ITGA9: variants seen among roughly 807,000 people sequenced by gnomAD.
The protein encoded by ITGA9 is integrin alpha-9.
In ITGA9, 56 loss-of-function variants were observed where a neutral mutation model predicts 127.8. The ratio of observed to expected loss-of-function variants is 0.44; its 90% confidence interval spans 0.35 to 0.55. The LOEUF (loss-of-function observed/expected upper bound fraction) is 0.55, where lower values mean the gene tolerates loss of function less well. ITGA9 is among the 20% of genes least tolerant of loss of function. The probability of loss-of-function intolerance (pLI) is 0.00; values close to 1 mark genes in which losing one functional copy is unlikely to be tolerated. For missense variants in ITGA9, 1,196 were observed against 1,347.1 expected (o/e 0.89, Z 1.76); for synonymous variants, 508 against 514.5 (o/e 0.99, Z 0.17).
chr3:37,558,126 A>G (rs1699448665), intron 15 of ITGA9, among the ~76,000 whole-genome samples: 1 of 152,200 alleles, frequency 6.6e-6, no homozygotes, highest in Admixed American at 6.5e-5. Context: ...GGTGGGAGGA[A>G]AGCTCAATGT....
At chr3:37,466,150 A>C (rs1698368021) in intron 1 of ITGA9, among the ~76,000 whole-genome samples, 1 of 151,998 alleles carries the variant, frequency 6.6e-6, no homozygotes. Context: ...TGGTTGCCCT[A>C]ATTAGAAGTT....
Position 37,629,148 on chromosome 3 carries a change from G to A in ITGA9, c.1690-39G>A, listed in dbSNP as rs1473279899. The A allele has an allele frequency of 6.2e-7, 1 of 1,611,106 alleles. No homozygotes were observed. Among genetic ancestry groups the A allele is most frequent in the East Asian group, 2.2e-5 (1 of 44,876 alleles). ...TGAAATGCTCTACGACTGTCAGCCA[G>A]GATTAGTAGTTAATGCACGTATTTG... On this transcript the variant is annotated intron_variant, in intron 15 of 27. Transcript: ENST00000264741. This position sits in a 1 kb window ranked among gnomAD's most constrained non-coding sequence, Gnocchi z 4.5.
At chr3:37,530,717 G>GTTTGTTTTTT (rs1699141278) in intron 13 of ITGA9, among the ~76,000 whole-genome samples, 1 of 86,240 alleles carries the variant, frequency 1.2e-5, no homozygotes, top group African/African-American at 4.8e-5. Context: ...CAGCTACCAG[G>GTTTGTTTTTT]TTTTTTTTTT....
chr3:37,714,069 G>A (rs536204001), intron 18 of ITGA9, among the ~76,000 whole-genome samples: 1 of 152,236 alleles, frequency 6.6e-6, no homozygotes, highest in Non-Finnish European at 1.5e-5. Context: ...AGTCACAGGG[G>A]TGGAACAAAT....
At chr3:37,682,543 C>T (rs778628722) in intron 17 of ITGA9, among the ~76,000 whole-genome samples, 12 of 152,184 alleles carry the variant, frequency 7.9e-5, no homozygotes, top group Non-Finnish European at 1.6e-4. Flanking sequence ...TATCTATACT[C>T]ATTTCCTAGT....
intron 17 of ITGA9, among the ~76,000 whole-genome samples, chr3:37,681,431 C>G (rs1303854359): frequency 6.6e-6 from 1 of 152,170 alleles, no homozygotes; most frequent in Non-Finnish European, 1.5e-5. Flanking sequence ...ATCGCTGCCA[C>G]TTGATCACCC....
intron 17 of ITGA9, among the ~76,000 whole-genome samples, chr3:37,672,420 C>T (rs1700645841): frequency 6.6e-6 from 1 of 152,192 alleles, no homozygotes; most frequent in African/African-American, 2.4e-5. Flanking sequence ...TAAGACGTGA[C>T]TTTGCTTCTC....
At chr3:37,463,237 G>A (rs1272474589) in intron 1 of ITGA9, among the ~76,000 whole-genome samples, 3 of 152,224 alleles carry the variant, frequency 2.0e-5, no homozygotes, top group African/African-American at 4.8e-5. Context: ...TGACGTATCT[G>A]TTTTCTATCA....
chr3:37,644,819 C>T (rs896205603), intron 16 of ITGA9, among the ~76,000 whole-genome samples: 2 of 152,150 alleles, frequency 1.3e-5, no homozygotes, highest in Non-Finnish European at 2.9e-5. Context: ...TAGAAGGATT[C>T]CTCAGCTTTA....
chr3:37,652,934 C>T (rs1230615818), intron 16 of ITGA9, among the ~76,000 whole-genome samples: 2 of 152,200 alleles, frequency 1.3e-5, no homozygotes, highest in African/African-American at 4.8e-5. Flanking sequence ...GAAGAAAGCC[C>T]TAACCCCTCT....
chr3:37,788,976 A>G (rs1697073081), intron 26 of ITGA9, among the ~76,000 whole-genome samples: 1 of 152,206 alleles, frequency 6.6e-6, no homozygotes, highest in Non-Finnish European at 1.5e-5. Context: ...TTATAACTGT[A>G]AAGATGATTA....
At chr3:37,581,421 G>A (rs906501270) in intron 15 of ITGA9, among the ~76,000 whole-genome samples, 2 of 152,196 alleles carry the variant, frequency 1.3e-5, no homozygotes, top group African/African-American at 4.8e-5. Flanking sequence ...GTGTAGCCCA[G>A]GACTGTGCAT....
chr3:37,522,726 A>C (rs1699056530), intron 11 of ITGA9, among the ~76,000 whole-genome samples: 1 of 33,586 alleles, frequency 3.0e-5, no homozygotes, highest in Non-Finnish European at 8.1e-5. Context: ...CTATCTCTTA[A>C]AAAAAAAAAA....
intron 18 of ITGA9, among the ~76,000 whole-genome samples, chr3:37,698,157 C>T (rs573712714): frequency 2.0e-5 from 3 of 152,142 alleles, no homozygotes; most frequent in African/African-American, 7.2e-5. Context: ...CTGTTCATAT[C>T]CTTTGCCCAC....
At chr3:37,484,207 A>T (rs999979847) in intron 4 of ITGA9, among the ~76,000 whole-genome samples, 5 of 152,214 alleles carry the variant, frequency 3.3e-5, no homozygotes, top group African/African-American at 1.2e-4. Context: ...TGGGGCTGGC[A>T]TGTGGAGTAT....
chr3:37,727,100 C>T (rs1010468831), intron 18 of ITGA9, among the ~76,000 whole-genome samples: 1 of 152,308 alleles, frequency 6.6e-6, no homozygotes, highest in South Asian at 2.1e-4. Context: ...CATAGAGTAT[C>T]GATTGTTTAC....
chr3:37,638,011 A>G (rs1700297227), intron 16 of ITGA9, among the ~76,000 whole-genome samples: 1 of 152,192 alleles, frequency 6.6e-6, no homozygotes, highest in Non-Finnish European at 1.5e-5. Flanking sequence ...GGTGATTCTC[A>G]TGCAGCTAAA....
intron 15 of ITGA9, among the ~76,000 whole-genome samples, chr3:37,551,366 G>T (rs1308945568): frequency 6.6e-6 from 1 of 152,154 alleles, no homozygotes; most frequent in Non-Finnish European, 1.5e-5. Flanking sequence ...GCTTGGAGGG[G>T]ACTGGGGGTT....
chr3:37,552,249 T>G (rs1376426058), intron 15 of ITGA9, among the ~76,000 whole-genome samples: 4 of 152,144 alleles, frequency 2.6e-5, no homozygotes, highest in Admixed American at 2.6e-4. Flanking sequence ...CTGTCACACT[T>G]ATTCCTCTGT....
Sources: allele counts gnomAD v4.1 joint callset (sites outside exome capture counted in the v4.1 genomes callset), GRCh38; gene constraint gnomAD v4.1.1; non-coding constraint Gnocchi (gnomAD v3.1); transcripts MANE v1.5; gene names NCBI Gene and HGNC (gene_info 2026-07-23, HGNC 2026-07-21).